The following PCSK2 variants were observed in gnomAD, a reference collection of about 807,000 sequenced individuals.
PCSK2 encodes the protein neuroendocrine convertase 2.
Under a neutral mutation model 69.7 loss-of-function variants are expected in PCSK2, and 14 were observed. The ratio of observed to expected loss-of-function variants is 0.20; its 90% CI spans 0.13 to 0.31. The LOEUF is 0.31. PCSK2 is among the 10% of genes least tolerant of loss of function. PCSK2 has a pLI of 1.00. For missense variants in PCSK2, 544 were observed against 842.5 expected, an observed-to-expected ratio of 0.65 and a Z score of 4.39; for synonymous variants, 307 against 320.7, an observed-to-expected ratio of 0.96 and a Z score of 0.46.
At chr20:17,279,912 AT>A (rs922871826) in intron 2 of PCSK2, among the ~76,000 whole-genome samples, 8 of 149,776 alleles carry the variant, frequency 5.3e-5, no homozygotes, top group South Asian at 2.1e-4. Flanking sequence ...ACACTTTTTT[AT>A]TTTTTTATTT....
At chr20:17,299,512 C>T (rs1196563837) in intron 2 of PCSK2, among the ~76,000 whole-genome samples, 1 of 151,906 alleles carries the variant, frequency 6.6e-6, no homozygotes, top group African/African-American at 2.4e-5. Flanking sequence ...CAGAAGAATT[C>T]TGGAGCAATT....
chr20:17,362,066 A>G (rs1325349059), intron 4 of PCSK2, among the ~76,000 whole-genome samples: 3 of 152,228 alleles, frequency 2.0e-5, no homozygotes, highest in African/African-American at 7.2e-5. Context: ...TAAAGTGCCA[A>G]CAGATGTGCA....
intron 2 of PCSK2, among the ~76,000 whole-genome samples, chr20:17,320,598 G>A (rs752994367): frequency 6.6e-6 from 1 of 152,186 alleles, no homozygotes; most frequent in African/African-American, 2.4e-5. Flanking sequence ...GGCTTGCTGA[G>A]CACCTCTGGG....
At chr20:17,421,210 T>C (rs905933018) in intron 6 of PCSK2, among the ~76,000 whole-genome samples, 4 of 152,170 alleles carry the variant, frequency 2.6e-5, no homozygotes, top group African/African-American at 7.2e-5. Flanking sequence ...GTTGATCTAT[T>C]AGGAAATTTG....
At chr20:17,243,539 G>A (rs534363100) in intron 1 of PCSK2, among the ~76,000 whole-genome samples, 1 of 152,268 alleles carries the variant, frequency 6.6e-6, no homozygotes, top group African/African-American at 2.4e-5. Flanking sequence ...AGTAAGTTGT[G>A]TTTTTTTAGT....
At chr20:17,362,516 G>C (rs2030430722) in intron 4 of PCSK2, among the ~76,000 whole-genome samples, 1 of 152,180 alleles carries the variant, frequency 6.6e-6, no homozygotes, top group East Asian at 1.9e-4. Context: ...GCTCCAATGG[G>C]AGGCTGAAAA....
chr20:17,286,726 C>T (rs1988521862), intron 2 of PCSK2, among the ~76,000 whole-genome samples: 1 of 152,152 alleles, frequency 6.6e-6, no homozygotes, highest in Admixed American at 6.5e-5. Context: ...AAAAGCCCAC[C>T]TGCTTTGCTC....
At chr20:17,422,832 T>C (rs1389780021) in intron 6 of PCSK2, among the ~76,000 whole-genome samples, 1 of 151,750 alleles carries the variant, frequency 6.6e-6, no homozygotes, top group Non-Finnish European at 1.5e-5. Flanking sequence ...AGACACCACA[T>C]AAAAGGAACC....
chr20:17,291,059 C>T (rs1032582126), intron 2 of PCSK2, among the ~76,000 whole-genome samples: 1 of 151,892 alleles, frequency 6.6e-6, no homozygotes, highest in East Asian at 1.9e-4. Flanking sequence ...TAAATTTCAA[C>T]CTGAGTTTAG....
intron 11 of PCSK2, among the ~76,000 whole-genome samples, chr20:17,474,959 C>T (rs1033543428): frequency 5.9e-5 from 9 of 152,086 alleles, no homozygotes; most frequent in Non-Finnish European, 1.2e-4. Flanking sequence ...TCCAATTGCT[C>T]TTCTCCAGAG....
chr20:17,410,427 G>A (rs557339753), intron 6 of PCSK2, among the ~76,000 whole-genome samples: 2 of 152,334 alleles, frequency 1.3e-5, no homozygotes, highest in South Asian at 4.1e-4. Flanking sequence ...AAGTTAGCAA[G>A]TTGACCTGAG....
At chr20:17,470,072 A>T (rs1352103851) in intron 11 of PCSK2, among the ~76,000 whole-genome samples, 1 of 152,132 alleles carries the variant, frequency 6.6e-6, no homozygotes, top group African/African-American at 2.4e-5. Flanking sequence ...CAAATGGGGG[A>T]TTTAAGGCTA....
intron 11 of PCSK2, among the ~76,000 whole-genome samples, chr20:17,466,018 A>G (rs1186468465): frequency 1.3e-5 from 2 of 152,176 alleles, no homozygotes; most frequent in African/African-American, 2.4e-5. Flanking sequence ...GCAGGTTTGC[A>G]TAAATCCAGG....
chr20:17,474,110 T>C (rs2033250603), intron 11 of PCSK2, among the ~76,000 whole-genome samples: 1 of 152,154 alleles, frequency 6.6e-6, no homozygotes, highest in Non-Finnish European at 1.5e-5. Flanking sequence ...CAGTAGATGG[T>C]GACAGTGCCT....
At chr20:17,370,836 G>A (rs746950091) in intron 5 of PCSK2, among the ~76,000 whole-genome samples, 11 of 152,238 alleles carry the variant, frequency 7.2e-5, no homozygotes, top group Non-Finnish European at 1.0e-4. Context: ...GTGTCAGGCA[G>A]GGGATTGAGA....
rs1039089876 is a variant in PCSK2 at position 17,446,728 on chromosome 20, G to A, written c.886-7014G>A. 2.0e-5 allele frequency among the ~76,000 whole-genome samples: 3 copies of A among 152,312 alleles called. No homozygotes were observed. In the East Asian group the frequency reaches 5.8e-4, roughly 29 times the overall value. ...AAATTTTTCATGAACTACGAGTGCAGAAAGGCAATATTCATAAATCAATAC... is the reference window on the plus strand; with the variant it reads ...AAATTTTTCATGAACTACGAGTGCAAAAAGGCAATATTCATAAATCAATAC... On this transcript the variant is annotated intron_variant, in intron 8 of 11. Coordinates refer to ENST00000262545, the MANE Select transcript of PCSK2 (RefSeq NM_002594.5).
chr20:17,418,407 T>C (rs543927286), intron 6 of PCSK2, among the ~76,000 whole-genome samples: 25 of 152,126 alleles, frequency 1.6e-4, no homozygotes, highest in Non-Finnish European at 3.1e-4. Context: ...TGGACAAAGA[T>C]AGGCTGGCGG....
At chr20:17,385,001 C>T (rs1314181263) in intron 5 of PCSK2, among the ~76,000 whole-genome samples, 1 of 152,184 alleles carries the variant, frequency 6.6e-6, no homozygotes, top group Non-Finnish European at 1.5e-5. Flanking sequence ...CTGTACCTAA[C>T]GTAAGGGTTG....
At position 17,465,322 on chromosome 20, in the gene PCSK2, C is replaced by G; in HGVS notation, c.1203-4C>G. 1 of 1,612,702 alleles carries G rather than the reference C, an allele frequency of 6.2e-7. No homozygotes were observed. Among genetic ancestry groups the G allele is most frequent in the Non-Finnish European group, 8.5e-7 (1 of 1,178,880 alleles). On this transcript the variant is annotated splice_region_variant and splice_polypyrimidine_tract_variant and intron_variant, in intron 10 of 11. Coordinates refer to ENST00000262545, the MANE Select transcript of PCSK2 (RefSeq NM_002594.5). ...CCCTCTTGCTCTCTGCTTCCTGTAT[C>G]CAGCCTGGGTCTGACCTGGCGGGAC...
Sources: gnomAD v4.1 joint callset for allele counts (sites outside exome capture counted in the v4.1 genomes callset) on GRCh38, gnomAD v4.1.1 for gene constraint, MANE v1.5 for transcripts, NCBI Gene and HGNC (gene_info 2026-07-23, HGNC 2026-07-21) for gene names.